The following BTAF1 variants were observed in gnomAD, a reference collection of about 807,000 sequenced individuals.
BTAF1 encodes the protein TATA-binding protein-associated factor 172.
Under a neutral mutation model 227.1 loss-of-function variants are expected in BTAF1, and 38 were observed. That is an observed-to-expected ratio of 0.17 (90% CI 0.13 to 0.22). The LOEUF (loss-of-function observed/expected upper bound fraction) is 0.22. Among genes scored for constraint, BTAF1 ranks in the 10% least tolerant of loss-of-function variants. BTAF1 has a pLI of 1.00. For missense variants in BTAF1, 1,598 were observed against 2,204.0 expected, an observed-to-expected ratio of 0.73 and a Z score of 5.51; for synonymous variants, 742 against 751.9, an observed-to-expected ratio of 0.99 and a Z score of 0.21.
At chr10:92,017,670 T>C (rs1850839050) in intron 33 of BTAF1, among the ~76,000 whole-genome samples, 1 of 151,904 alleles carries the variant, frequency 6.6e-6, no homozygotes, top group African/African-American at 2.4e-5. Context: ...CCACCACACC[T>C]GGCTAATTTT....
chr10:91,938,087 T>C (rs1451549440), intron 2 of BTAF1, among the ~76,000 whole-genome samples: 1 of 152,232 alleles, frequency 6.6e-6, no homozygotes, highest in African/African-American at 2.4e-5. Flanking sequence ...AGCAATACAT[T>C]TGTATATCTT....
intron 1 of BTAF1, among the ~76,000 whole-genome samples, chr10:91,928,565 T>A (rs1268463895): frequency 6.6e-6 from 1 of 152,184 alleles, no homozygotes; most frequent in African/African-American, 2.4e-5. Flanking sequence ...CAAATTAGTG[T>A]ATGTTACAGG....
intron 14 of BTAF1, among the ~76,000 whole-genome samples, chr10:91,978,811 CTTGTTT>C (rs1485677286): frequency 1.7e-5 from 1 of 59,664 alleles, no homozygotes; most frequent in Non-Finnish European, 3.3e-5. Flanking sequence ...TGATTTATGG[CTTGTTT>C]TTTTTTTTTT....
intron 33 of BTAF1, among the ~76,000 whole-genome samples, chr10:92,017,918 A>G (rs1406838610): frequency 6.6e-6 from 1 of 152,212 alleles, no homozygotes; most frequent in African/African-American, 2.4e-5. Flanking sequence ...TCTTAAGCCA[A>G]GTAAGAGGCA....
chr10:91,961,705 G>T (rs1846530715), intron 11 of BTAF1, among the ~76,000 whole-genome samples: 1 of 152,108 alleles, frequency 6.6e-6, no homozygotes, highest in Admixed American at 6.5e-5. Context: ...ATTTGTTTTT[G>T]AAATATTATC....
intron 21 of BTAF1, 33 bp downstream of exon 21, chr10:91,992,342 A>AT (rs1353598073): frequency 3.4e-6 from 5 of 1,487,690 alleles, no homozygotes; most frequent in African/African-American, 1.4e-5. Context: ...TAATGCTTTG[A>AT]TTTTTAAACA....
rs777998095 is a variant in BTAF1, at chr10:92,026,639, T to C, written c.5123T>C (p.Val1708Ala). The C allele has an allele frequency of 3.1e-6, 5 of 1,613,966 alleles. No individual in the cohort carries two copies. Among genetic ancestry groups the C allele is most frequent in the Non-Finnish European group, 4.2e-6 (5 of 1,179,880 alleles). The change falls in exon 36 of 38, where the codon GTT (valine) becomes GCT (alanine). Residue 1708 changes from valine (V) to alanine (A), a missense_variant. Val to Ala is a moderately conservative substitution (Grantham distance 64, BLOSUM62 0). Around this residue, in one of 10 missense-constraint regions of BTAF1, gnomAD observed 205 missense variants for 244.5 expected, o/e 0.84. Transcript: ENST00000265990. ...GACGTTCTGTTACTTACCACTCACG[T>C]TGGTGGCCTGGGACTTAATTTGACA... ...SIDVLLLTTHVGGLGLNLTGA... is the reference protein window; with the variant it reads ...SIDVLLLTTHAGGLGLNLTGA...
intron 15 of BTAF1, among the ~76,000 whole-genome samples, chr10:91,981,182 ATCCT>A (rs1848038637): frequency 2.6e-5 from 4 of 152,152 alleles, no homozygotes; most frequent in Admixed American, 2.0e-4. Context: ...AAGGTACCTT[ATCCT>A]TATTAAGTAA....
intron 34 of BTAF1, among the ~76,000 whole-genome samples, chr10:92,022,128 A>G (rs994500449): frequency 6.6e-6 from 1 of 152,182 alleles, no homozygotes; most frequent in African/African-American, 2.4e-5. Context: ...GATTAGTGAG[A>G]ATACCAGAGT....
intron 1 of BTAF1, among the ~76,000 whole-genome samples, chr10:91,926,672 T>G (rs1414340218): frequency 6.6e-6 from 1 of 152,218 alleles, no homozygotes; most frequent in East Asian, 1.9e-4. Context: ...CTCATCTCCT[T>G]GAACATTGTA....
chr10:91,999,004 A>T (rs1026814017), intron 25 of BTAF1, among the ~76,000 whole-genome samples: 1 of 151,476 alleles, frequency 6.6e-6, no homozygotes, highest in Non-Finnish European at 1.5e-5. Context: ...CAGAGGTTGC[A>T]GTGAACCAAG....
In BTAF1 at chr10:91,953,876, A is replaced by G. The variant is rs749244491; in HGVS notation, c.701+3A>G. On this transcript the variant is annotated splice_donor_region_variant and intron_variant, in intron 6 of 37. Transcript: ENST00000265990. ...GCAGTGGAAACTAATGAGAAGAGGT[A>G]GTAATCTTTTTTTGCCTATTCACTT... is the stretch of plus-strand genomic sequence containing the variant. 3.0e-5 allele frequency: 49 copies of G among 1,613,218 alleles called. No individual in the cohort carries two copies. Among genetic ancestry groups the G allele is most frequent in the East Asian group, 2.2e-4 (10 of 44,840 alleles).
rs1392750914 is a variant in BTAF1, at chr10:92,024,979, C to A, written c.5075+12C>A. On this transcript the variant is annotated intron_variant, in intron 35 of 37. Transcript: ENST00000265990. ...TCCATTGTTTCCCGGTAAGTGGCTT[C>A]TAAGACTCTTATTCATAAATAAATA... 1.2e-6 allele frequency: 2 copies of A among 1,601,638 alleles called. No individual in the cohort carries two copies. The highest frequency in any genetic ancestry group is 1.7e-6 in the Non-Finnish European group (2 of 1,169,652).
chr10:91,989,114 G>T, intron 19 of BTAF1, 40 bp from the exon 20 acceptor site: 2 of 1,519,242 alleles, frequency 1.3e-6, no homozygotes, highest in South Asian at 1.3e-5. Context: ...ATTTGGGGTT[G>T]ATATGATTAA....
intron 14 of BTAF1, among the ~76,000 whole-genome samples, chr10:91,972,372 C>A (rs1847366717): frequency 6.6e-6 from 1 of 152,124 alleles, no homozygotes; most frequent in African/African-American, 2.4e-5. Context: ...TGCTCCCCTA[C>A]CCCCACTCCC....
chr10:91,954,511 T>C (rs1845964570), intron 6 of BTAF1, among the ~76,000 whole-genome samples: 1 of 152,072 alleles, frequency 6.6e-6, no homozygotes, highest in African/African-American at 2.4e-5. Context: ...CAAAACTATT[T>C]CCTTCAGGTG....
intron 25 of BTAF1, among the ~76,000 whole-genome samples, chr10:92,005,279 A>G (rs1329222828): frequency 6.6e-6 from 1 of 152,096 alleles, no homozygotes; most frequent in Non-Finnish European, 1.5e-5. Context: ...ATTCAGAGGG[A>G]TAATAGAGAA....
chr10:91,930,452 A>G (rs1844195394), intron 1 of BTAF1, among the ~76,000 whole-genome samples: 1 of 152,212 alleles, frequency 6.6e-6, no homozygotes, highest in Non-Finnish European at 1.5e-5. Flanking sequence ...GGTCCAGGGT[A>G]GAGTGGGGTA....
Position 92,026,881 on chromosome 10 carries a change from C to T in BTAF1, c.5235+130C>T, listed in dbSNP as rs141702020. ...ATGTGTTATGACCTTGGACAGATCA[C>T]TTAACTCTTCTGTGGTATCACTTCC... On this transcript the variant is annotated intron_variant, in intron 36 of 37. Coordinates refer to ENST00000265990, the MANE Select transcript of BTAF1 (RefSeq NM_003972.3). 5.9e-5 allele frequency: 62 copies of T among 1,057,770 alleles called. No homozygotes were observed. The East Asian group carries it at 1.6e-3, about 27-fold the overall frequency. 65.5% of individuals were successfully genotyped at this position (1,057,770 alleles called of 1,614,324 possible).
Sources: gnomAD v4.1 joint callset for allele counts (sites outside exome capture counted in the v4.1 genomes callset) on GRCh38, gnomAD v4.1.1 for gene constraint, gnomAD v4.1.1 regional missense constraint, MANE v1.5 for transcripts, NCBI Gene and HGNC (gene_info 2026-07-23, HGNC 2026-07-21) for gene names.